Variants in AKT2 observed in about 807,000 individuals in gnomAD.
AKT2 encodes the protein RAC-beta serine/threonine-protein kinase.
Under a neutral mutation model 58.6 loss-of-function variants are expected in AKT2, and 16 were observed. The observed-to-expected ratio is 0.27, with a 90% CI of 0.18 to 0.41. The LOEUF (loss-of-function observed/expected upper bound fraction) is 0.41. Among genes scored for constraint, AKT2 ranks in the 10% least tolerant of loss-of-function variants. The probability of loss-of-function intolerance (pLI) is 1.00; values close to 1 mark genes in which losing one functional copy is unlikely to be tolerated. For synonymous variants in AKT2, 253 were observed against 254.0 expected, an observed-to-expected ratio of 1.00 and a Z score of 0.04; for missense variants, 438 against 661.0, an observed-to-expected ratio of 0.66 and a Z score of 3.70.
At chr19:40,236,219 T>C in intron 10 of AKT2, 38 bp downstream of exon 10, 2 of 1,613,492 alleles carry the variant, frequency 1.2e-6, no homozygotes, top group South Asian at 1.1e-5. Context: ...CCCCTACCCT[T>C]GGCCTCACAC....
chr19:40,255,300 C>T (rs772163379), intron 3 of AKT2, 31 bp from the exon 4 acceptor site: 2 of 1,578,650 alleles, frequency 1.3e-6, no homozygotes, highest in Non-Finnish European at 1.7e-6. Flanking sequence ...CAGCAGGGGG[C>T]TGAGGGGATA....
At chr19:40,284,032 C>A (rs1248435739) in intron 1 of AKT2, among the ~76,000 whole-genome samples, 1 of 152,132 alleles carries the variant, frequency 6.6e-6, no homozygotes, top group South Asian at 2.1e-4. Flanking sequence ...GTTCAGCCCA[C>A]GAGTGAACTC....
At position 40,242,571 on chromosome 19, in the gene AKT2, T is replaced by C; in HGVS notation, c.404A>G (p.Glu135Gly). ...GSPSDSSTTE[E>G]MEVAVSKARA... ...TGCCTTGCTGACCGCCACTTCCATCTCCTCAGTCGTGGAGGAGTCACTGGG... is the reference window on the plus strand; with the variant it reads ...TGCCTTGCTGACCGCCACTTCCATCCCCTCAGTCGTGGAGGAGTCACTGGG... Residue 135 changes from glutamate (E) to glycine (G), a missense_variant, in exon 5 of 14, where the codon GAG becomes GGG. By Grantham distance (98) the Glu-to-Gly change is moderately conservative. Transcript: ENST00000392038. The surrounding 1 kb of genome is among the most constrained non-coding windows in gnomAD (Gnocchi z 4.3). 2 of 1,613,882 alleles carry C rather than the reference T, an allele frequency of 1.2e-6. No individual in the cohort carries two copies. Among genetic ancestry groups the C allele is most frequent in the Non-Finnish European group, 1.7e-6 (2 of 1,180,014 alleles).
Position 40,233,754 on chromosome 19 carries a change from AGG to A in AKT2, c.*116_*117del. 1 of 767,820 alleles carries A rather than the reference AGG, an allele frequency of 1.3e-6. No homozygotes were observed. Among genetic ancestry groups the A allele is most frequent in the Non-Finnish European group, 2.0e-6 (1 of 512,662 alleles). 47.6% of individuals were successfully genotyped at this position (767,820 alleles called of 1,614,324 possible). A position where few individuals can be genotyped will look rare whatever the true frequency, so the allele number is the denominator to read the frequency against. ...GGAGGGGCCTGAAGAAGAACTGGAA[AGG>A]GGGTGAGGAGGTGGGGGTGGGGACA... is the stretch of plus-strand genomic sequence containing the variant. On this transcript the variant is annotated 3_prime_UTR_variant, in exon 14 of 14. Coordinates refer to ENST00000392038, the MANE Select transcript of AKT2 (RefSeq NM_001626.6). This position sits in a 1 kb window ranked among gnomAD's most constrained non-coding sequence, Gnocchi z 4.3.
At chr19:40,275,228 T>A (rs1163900425) in intron 1 of AKT2, 1 of 456,708 alleles carries the variant, frequency 2.2e-6, no homozygotes, top group Admixed American at 2.3e-5. Context: ...TTGTGTCGCC[T>A]CCTCCCACAC....
At position 40,233,859 on chromosome 19, in the gene AKT2, G is replaced by T. The variant is rs200586360; in HGVS notation, c.*13C>A. ...ATGGCAGCGAGCGTGCGTCCTCTGC[G>T]TGGGCAGACTGCTCACTCGCGGATG... On this transcript the variant is annotated 3_prime_UTR_variant, in exon 14 of 14. Coordinates refer to ENST00000392038, the MANE Select transcript of AKT2 (RefSeq NM_001626.6). The surrounding 1 kb of genome is among the most constrained non-coding windows in gnomAD (Gnocchi z 4.3). 1.9e-6 allele frequency: 3 copies of T among 1,609,662 alleles called. No homozygotes were observed. The South Asian group carries it at 3.3e-5, about 18-fold the overall frequency.
chr19:40,244,592 C>G (rs1257461378), intron 4 of AKT2, among the ~76,000 whole-genome samples: 1 of 152,158 alleles, frequency 6.6e-6, no homozygotes, highest in Non-Finnish European at 1.5e-5. Flanking sequence ...TTTTGAACCC[C>G]CCGTGTATTT....
At position 40,242,464 on chromosome 19, in the gene AKT2, G is replaced by A; in HGVS notation, c.441+70C>T. 6.2e-7 allele frequency: 1 copy of A among 1,601,938 alleles called. No individual in the cohort carries two copies. Among genetic ancestry groups the A allele is most frequent in the Non-Finnish European group, 8.5e-7 (1 of 1,174,368 alleles). ...CCCTGAACTGTGTTATGGAAACCAA[G>A]GAGAGCAGGCCAGCACTGGGGGTGG... On this transcript the variant is annotated intron_variant, in intron 5 of 13. Coordinates refer to ENST00000392038, the MANE Select transcript of AKT2 (RefSeq NM_001626.6). The surrounding 1 kb of genome is among the most constrained non-coding windows in gnomAD (Gnocchi z 4.3).
chr19:40,242,106 T>G lies in AKT2; in HGVS notation c.442-37A>C. 1 of 1,613,734 alleles carries G rather than the reference T, an allele frequency of 6.2e-7. No individual in the cohort carries two copies. The highest frequency in any genetic ancestry group is 8.5e-7 in the Non-Finnish European group (1 of 1,179,914). ...AGGGAGAGTGGGGGCAGTCAGCGCCTGGCTCATGGCCCGTGGGAGGAAATT... is the reference window on the plus strand; with the variant it reads ...AGGGAGAGTGGGGGCAGTCAGCGCCGGGCTCATGGCCCGTGGGAGGAAATT... On this transcript the variant is annotated intron_variant, in intron 5 of 13. Transcript: ENST00000392038. This position sits in a 1 kb window ranked among gnomAD's most constrained non-coding sequence, Gnocchi z 4.3.
At chr19:40,277,821 C>G (rs73933237) in intron 1 of AKT2, among the ~76,000 whole-genome samples, 7 of 152,176 alleles carry the variant, frequency 4.6e-5, no homozygotes, top group African/African-American at 1.7e-4. Flanking sequence ...CACCTCCGAT[C>G]GCATCCAGAA....
chr19:40,261,946 T>G (rs1349102816), intron 2 of AKT2, among the ~76,000 whole-genome samples: 1 of 151,306 alleles, frequency 6.6e-6, no homozygotes, highest in Non-Finnish European at 1.5e-5. Context: ...AAAAACCTCA[T>G]CTGTGTTACT....
chr19:40,251,854 C>A (rs1315305242), intron 4 of AKT2, among the ~76,000 whole-genome samples: 3 of 152,192 alleles, frequency 2.0e-5, no homozygotes, highest in Admixed American at 2.0e-4. Flanking sequence ...AAGAATGTCA[C>A]TAAGTATGAA....
rs1387610361 is a variant in AKT2, at chr19:40,234,692, AG to A, written c.1366+352del. 1 of 584,934 alleles carries A rather than the reference AG, an allele frequency of 1.7e-6. No individual in the cohort carries two copies. The highest frequency in any genetic ancestry group is 3.0e-6 in the Non-Finnish European group (1 of 330,284). The allele number at this position is 584,934 out of a possible 1,614,324, so 36.2% of individuals were successfully genotyped here. A position where few individuals can be genotyped will look rare whatever the true frequency, so the allele number is the denominator to read the frequency against. ...CTGGGAGCTTTCCAGGGCAGGGCCCAGGGCTGGCTCAATCAGTGCTGTGTCC... is the reference window on the plus strand; with the variant it reads ...CTGGGAGCTTTCCAGGGCAGGGCCCAGGCTGGCTCAATCAGTGCTGTGTCC... On this transcript the variant is annotated intron_variant, in intron 13 of 13. Transcript: ENST00000392038. This position sits in a 1 kb window ranked among gnomAD's most constrained non-coding sequence, Gnocchi z 4.7.
Position 40,240,115 on chromosome 19 carries a change from A to C in AKT2, c.574-5T>G. ...GACTGTGTGAGCGACTTCATCCTGC[A>C]GACAGACTGCGGGTGAGGGGCTGGT... On this transcript the variant is annotated splice_region_variant and splice_polypyrimidine_tract_variant and intron_variant, in intron 6 of 13. Transcript: ENST00000392038. 6.2e-7 allele frequency: 1 copy of C among 1,614,000 alleles called. No individual in the cohort carries two copies. Among genetic ancestry groups the C allele is most frequent in the Non-Finnish European group, 8.5e-7 (1 of 1,180,024 alleles).
chr19:40,260,126 TG>T (rs1214040260), intron 2 of AKT2, among the ~76,000 whole-genome samples: 2 of 151,696 alleles, frequency 1.3e-5, no homozygotes, highest in Admixed American at 1.3e-4. Flanking sequence ...CACTCCAGCA[TG>T]GGAGACAGAG....
At chr19:40,250,319 A>G (rs1568540672) in intron 4 of AKT2, among the ~76,000 whole-genome samples, 1 of 152,058 alleles carries the variant, frequency 6.6e-6, no homozygotes, top group Non-Finnish European at 1.5e-5. Context: ...CCTGACCAAC[A>G]TGAGAGAAAC....
In AKT2 at chr19:40,242,108, G is replaced by GA; in HGVS notation, c.442-40_442-39insT. 6.2e-7 allele frequency: 1 copy of GA among 1,613,592 alleles called. No individual in the cohort carries two copies. Among genetic ancestry groups the GA allele is most frequent in the Non-Finnish European group, 8.5e-7 (1 of 1,179,860 alleles). On this transcript the variant is annotated intron_variant, in intron 5 of 13. Coordinates refer to ENST00000392038, the MANE Select transcript of AKT2 (RefSeq NM_001626.6). This position sits in a 1 kb window ranked among gnomAD's most constrained non-coding sequence, Gnocchi z 4.3. Reference sequence around the variant, plus strand: ...GGAGAGTGGGGGCAGTCAGCGCCTGGCTCATGGCCCGTGGGAGGAAATTTT... The same window carrying GA: ...GGAGAGTGGGGGCAGTCAGCGCCTGGACTCATGGCCCGTGGGAGGAAATTTT...
chr19:40,285,073 G>A, intron 1 of AKT2, 108 bp downstream of exon 1: 1 of 383,610 alleles, frequency 2.6e-6, no homozygotes, highest in Non-Finnish European at 4.6e-6. Context: ...CTCGAGGGCC[G>A]CGGTCCCCCC....
chr19:40,282,565 A>G (rs1476935281), intron 1 of AKT2: 1 of 532,252 alleles, frequency 1.9e-6, no homozygotes, highest in Non-Finnish European at 3.9e-6. Context: ...AAGGAAAGAC[A>G]TAGGACAGTC....
Sources: allele counts gnomAD v4.1 joint callset (sites outside exome capture counted in the v4.1 genomes callset), GRCh38; gene constraint gnomAD v4.1.1; non-coding constraint Gnocchi (gnomAD v3.1); transcripts MANE v1.5; gene names NCBI Gene and HGNC (gene_info 2026-07-23, HGNC 2026-07-21).